UGT3A2: variants seen among roughly 807,000 people sequenced by gnomAD.
The protein encoded by UGT3A2 is UDP glycosyltransferase family 3 member A2.
Under a neutral mutation model 39.8 loss-of-function variants are expected in UGT3A2, and 32 were observed. That is an observed-to-expected ratio of 0.80 (90% confidence interval 0.61 to 1.08). The LOEUF is 1.08. Among genes scored for constraint, UGT3A2 ranks in the 50% least tolerant of loss-of-function variants. The pLI is 0.00. For synonymous variants in UGT3A2, 241 were observed against 230.7 expected, an observed-to-expected ratio of 1.04 and a Z score of -0.40; for missense variants, 611 against 637.1, an observed-to-expected ratio of 0.96 and a Z score of 0.44.
At position 36,048,877 on chromosome 5, in the gene UGT3A2, G is replaced by A; in HGVS notation, c.843+12C>T. ...GCGTGAATCCCAAACTGAATGCTGAGGGTTCACTTACTTGTGGTACTGGTT... is the reference window on the plus strand; with the variant it reads ...GCGTGAATCCCAAACTGAATGCTGAAGGTTCACTTACTTGTGGTACTGGTT... On this transcript the variant is annotated intron_variant, in intron 4 of 6. Transcript: ENST00000282507. 6.2e-7 allele frequency: 1 copy of A among 1,610,410 alleles called. No homozygotes were observed. The highest frequency in any genetic ancestry group is 8.5e-7 in the Non-Finnish European group (1 of 1,177,472).
intron 3 of UGT3A2, among the ~76,000 whole-genome samples, chr5:36,050,592 G>A (rs2013414): frequency 0.051 from 7,744 of 152,234 alleles, 255 homozygotes; most frequent in East Asian, 0.12. Flanking sequence ...GGCTGGGTGC[G>A]GTGGCTCACG....
chr5:36,054,097 G>C (rs949538642), intron 2 of UGT3A2, among the ~76,000 whole-genome samples: 5 of 152,120 alleles, frequency 3.3e-5, no homozygotes, highest in Non-Finnish European at 7.3e-5. Flanking sequence ...ATTTGTGTTG[G>C]GCCACATTCA....
intron 2 of UGT3A2, among the ~76,000 whole-genome samples, chr5:36,058,986 G>T (rs1034003101): frequency 4.6e-5 from 7 of 152,106 alleles, no homozygotes; most frequent in African/African-American, 1.7e-4. Flanking sequence ...GAGATAAGCA[G>T]GGATAAATAG....
chr5:36,037,418 C>A (rs1389390783), intron 6 of UGT3A2, among the ~76,000 whole-genome samples: 1 of 152,054 alleles, frequency 6.6e-6, no homozygotes, highest in East Asian at 1.9e-4. Context: ...GGGAGCACCA[C>A]AAACAAAAAG....
At chr5:36,046,564 A>C (rs1457014621) in intron 4 of UGT3A2, among the ~76,000 whole-genome samples, 1 of 152,198 alleles carries the variant, frequency 6.6e-6, no homozygotes, top group Non-Finnish European at 1.5e-5. Context: ...AATTAAAACA[A>C]TTAAACTCAT....
At chr5:36,055,297 A>G (rs769733204) in intron 2 of UGT3A2, among the ~76,000 whole-genome samples, 36 of 151,732 alleles carry the variant, frequency 2.4e-4, no homozygotes, top group Non-Finnish European at 4.4e-4. Context: ...GCATGGCACA[A>G]TCTTGGCTCA....
intron 2 of UGT3A2, among the ~76,000 whole-genome samples, chr5:36,055,929 T>G (rs1051175370): frequency 3.9e-5 from 6 of 152,226 alleles, no homozygotes; most frequent in Admixed American, 3.9e-4. Context: ...TGTAGACTAG[T>G]CATTATCTTG....
chr5:36,041,190 G>A (rs1741995101), intron 4 of UGT3A2, among the ~76,000 whole-genome samples: 1 of 152,062 alleles, frequency 6.6e-6, no homozygotes, highest in African/African-American at 2.4e-5. Context: ...GGGTGGCCAT[G>A]GGCGAGACTC....
At chr5:36,065,320 C>A (rs1307847786) in intron 1 of UGT3A2, among the ~76,000 whole-genome samples, 1 of 152,134 alleles carries the variant, frequency 6.6e-6, no homozygotes, top group Non-Finnish European at 1.5e-5. Context: ...TAGTCTGGAG[C>A]AACAAGGGAC....
chr5:36,048,316 CT>C lies in UGT3A2; in HGVS notation c.843+572del, dbSNP rs1205579628. ...AAATTGCGCTGTGCATTCAAATCAC[CT>C]GAGCAGCATATGCAAATTACAGTGG... On this transcript the variant is annotated intron_variant, in intron 4 of 6. Transcript: ENST00000282507. 3.9e-5 allele frequency among the ~76,000 whole-genome samples: 6 copies of C among 152,308 alleles called. No homozygotes were observed. In the East Asian group the frequency reaches 1.2e-3, roughly 29 times the overall value.
Position 36,066,811 on chromosome 5 carries a change from G to A in UGT3A2, c.-22C>T, listed in dbSNP as rs780208157. 2 of 1,614,088 alleles carry A rather than the reference G, an allele frequency of 1.2e-6. No homozygotes were observed. The highest frequency in any genetic ancestry group is 1.1e-5 in the South Asian group (1 of 91,088). ...CCATGCTCACTTCTACGGAAGCCGC[G>A]GATCTCAGCCTGGGCTGCGCGCCCT... On this transcript the variant is annotated 5_prime_UTR_variant, in exon 1 of 7. Coordinates refer to ENST00000282507, the MANE Select transcript of UGT3A2 (RefSeq NM_174914.4).
intron 2 of UGT3A2, among the ~76,000 whole-genome samples, chr5:36,060,471 T>C (rs982104748): frequency 8.5e-5 from 13 of 152,060 alleles, no homozygotes; most frequent in Admixed American, 3.3e-4. Flanking sequence ...TTAGTAATAA[T>C]ATGAACCTGT....
At chr5:36,039,947 C>T (rs1055928946) in intron 4 of UGT3A2, among the ~76,000 whole-genome samples, 6 of 152,130 alleles carry the variant, frequency 3.9e-5, no homozygotes, top group Non-Finnish European at 8.8e-5. Context: ...CTTGACCTTC[C>T]ACCCATTATA....
chr5:36,065,991 A>G (rs1006920091), intron 1 of UGT3A2, among the ~76,000 whole-genome samples: 2 of 152,014 alleles, frequency 1.3e-5, no homozygotes, highest in African/African-American at 4.8e-5. Context: ...CTTTGGGGTA[A>G]AAGTAAAAGA....
chr5:36,065,964 CT>C (rs1742866356), intron 1 of UGT3A2, among the ~76,000 whole-genome samples: 1 of 152,164 alleles, frequency 6.6e-6, no homozygotes, highest in Admixed American at 6.5e-5. Context: ...ATATGTTTCT[CT>C]TTTATCTTCT....
At chr5:36,053,689 T>C (rs1742420286) in intron 2 of UGT3A2, among the ~76,000 whole-genome samples, 2 of 152,196 alleles carry the variant, frequency 1.3e-5, no homozygotes, top group South Asian at 4.1e-4. Context: ...CAACACAAGG[T>C]ATTGTCTTAT....
Position 36,066,814 on chromosome 5 carries a change from T to G in UGT3A2, c.-25A>C. ...TGCTCACTTCTACGGAAGCCGCGGA[T>G]CTCAGCCTGGGCTGCGCGCCCTGCG... On this transcript the variant is annotated 5_prime_UTR_variant, in exon 1 of 7. Transcript: ENST00000282507. 6.2e-7 allele frequency: 1 copy of G among 1,614,078 alleles called. No homozygotes were observed. The highest frequency in any genetic ancestry group is 8.5e-7 in the Non-Finnish European group (1 of 1,179,936).
rs757449326 is a variant in UGT3A2, at chr5:36,066,703, A to G, written c.87T>C (p.Ser29=). 1.2e-6 allele frequency: 2 copies of G among 1,614,088 alleles called. No homozygotes were observed. Among genetic ancestry groups the G allele is most frequent in the Admixed American group, 1.7e-5 (1 of 60,014 alleles). ...LSEAAKILTI[S]TVGGSHYLLM... ...CTCCGGCCAAGCACTCACCTACTGTAGATATTGTCAGGATTTTGGCAGCCT... is the reference window on the plus strand; with the variant it reads ...CTCCGGCCAAGCACTCACCTACTGTGGATATTGTCAGGATTTTGGCAGCCT... The change falls in exon 1 of 7, where the codon TCT becomes TCC. Residue 29 remains serine, a synonymous_variant. Transcript: ENST00000282507.
rs1419161919 is a variant in UGT3A2 at position 36,039,640 on chromosome 5, C to T, written c.912G>A (p.Val304=). The stretch of plus-strand genomic sequence containing the variant: ...AGATTTCCGGATTCTGACAGGTGTT[C>T]ACCATGGAGCCCAAGGTCACAAGGA... ...GFVLVTLGSM[V]NTCQNPEIFK... Residue 304 remains valine (V), a synonymous_variant, in exon 5 of 7, where the codon GTG becomes GTA. Coordinates refer to ENST00000282507, the MANE Select transcript of UGT3A2 (RefSeq NM_174914.4). 6.2e-7 allele frequency: 1 copy of T among 1,614,034 alleles called. No individual in the cohort carries two copies. Among genetic ancestry groups the T allele is most frequent in the Non-Finnish European group, 8.5e-7 (1 of 1,180,046 alleles).
Sources: gnomAD v4.1 joint callset for allele counts (sites outside exome capture counted in the v4.1 genomes callset) on GRCh38, gnomAD v4.1.1 for gene constraint, MANE v1.5 for transcripts, NCBI Gene and HGNC (gene_info 2026-07-23, HGNC 2026-07-21) for gene names.